Variants in EEFSEC observed in about 807,000 individuals in gnomAD.
The protein encoded by EEFSEC is selenocysteine-specific elongation factor.
In EEFSEC, 43 loss-of-function variants were observed where a neutral mutation model predicts 42.1. That is an observed-to-expected ratio of 1.02 (90% CI 0.80 to 1.32). The LOEUF is 1.32. Among genes scored for constraint, EEFSEC ranks in the 40% most tolerant of loss-of-function variants. The pLI, the probability that EEFSEC is intolerant of heterozygous loss-of-function variation, is 0.00. For synonymous variants in EEFSEC, 354 were observed against 339.1 expected, an observed-to-expected ratio of 1.04 and a Z score of -0.48; for missense variants, 745 against 803.6, an observed-to-expected ratio of 0.93 and a Z score of 0.88.
chr3:128,161,519 C>G (rs1169018144), intron 1 of EEFSEC, among the ~76,000 whole-genome samples: 1 of 152,198 alleles, frequency 6.6e-6, no homozygotes, highest in African/African-American at 2.4e-5. Context: ...CTGACCCTCT[C>G]TGAGCCCTCC....
intron 4 of EEFSEC, among the ~76,000 whole-genome samples, chr3:128,266,503 C>A (rs773823942): frequency 1.1e-4 from 17 of 152,008 alleles, no homozygotes; most frequent in Non-Finnish European, 2.2e-4. Context: ...AGCAGTGTGT[C>A]TATTACTTCC....
chr3:128,163,985 A>G (rs1020672985), intron 1 of EEFSEC, among the ~76,000 whole-genome samples: 8 of 151,422 alleles, frequency 5.3e-5, no homozygotes, highest in Admixed American at 4.6e-4. Flanking sequence ...TACTTGTGGT[A>G]AAGTATAAAT....
At chr3:128,201,257 T>C (rs1233562465) in intron 1 of EEFSEC, among the ~76,000 whole-genome samples, 1 of 152,122 alleles carries the variant, frequency 6.6e-6, no homozygotes, top group African/African-American at 2.4e-5. Flanking sequence ...GGCAACACCA[T>C]GCTCTCTAAT....
At chr3:128,165,465 C>T (rs1169385044) in intron 1 of EEFSEC, among the ~76,000 whole-genome samples, 1 of 152,148 alleles carries the variant, frequency 6.6e-6, no homozygotes, top group Non-Finnish European at 1.5e-5. Context: ...GATTAGGCTC[C>T]TGCTGCTTTG....
chr3:128,354,726 C>G (rs1353837185), intron 5 of EEFSEC, among the ~76,000 whole-genome samples: 2 of 152,196 alleles, frequency 1.3e-5, no homozygotes, highest in African/African-American at 4.8e-5. Context: ...CCTCTGCTGT[C>G]TTTGTGGCAT....
At chr3:128,347,104 T>C (rs1413762118) in intron 5 of EEFSEC, among the ~76,000 whole-genome samples, 2 of 152,220 alleles carry the variant, frequency 1.3e-5, no homozygotes, top group Admixed American at 6.5e-5. Flanking sequence ...TCCTTAGGAA[T>C]TGGGCTTTTT....
intron 2 of EEFSEC, among the ~76,000 whole-genome samples, chr3:128,255,137 G>A (rs1020021350): frequency 1.3e-5 from 2 of 152,280 alleles, no homozygotes; most frequent in East Asian, 1.9e-4. Flanking sequence ...CTGGGGATGC[G>A]GTTTGGGAGC....
At chr3:128,163,954 A>T (rs1040637926) in intron 1 of EEFSEC, among the ~76,000 whole-genome samples, 20 of 151,390 alleles carry the variant, frequency 1.3e-4, no homozygotes, top group African/African-American at 4.9e-4. Context: ...AAAAAAAAAC[A>T]AAACTATTTC....
intron 1 of EEFSEC, among the ~76,000 whole-genome samples, chr3:128,159,290 C>T (rs938358248): frequency 5.9e-5 from 9 of 152,200 alleles, no homozygotes; most frequent in African/African-American, 1.2e-4. Flanking sequence ...CTCCGCCACC[C>T]CTAACCTGGA....
chr3:128,229,333 G>A, intron 1 of EEFSEC, among the ~76,000 whole-genome samples: 1 of 152,186 alleles, frequency 6.6e-6, no homozygotes, highest in East Asian at 1.9e-4. Context: ...TCCCCACGTG[G>A]CCCCACTGGA....
At chr3:128,182,161 A>G (rs2107791574) in intron 1 of EEFSEC, among the ~76,000 whole-genome samples, 1 of 152,306 alleles carries the variant, frequency 6.6e-6, no homozygotes, top group South Asian at 2.1e-4. Flanking sequence ...AAGTTTATAG[A>G]CGACAGCTAA....
chr3:128,155,361 T>C (rs769715279), intron 1 of EEFSEC, among the ~76,000 whole-genome samples: 1 of 152,202 alleles, frequency 6.6e-6, no homozygotes, highest in African/African-American at 2.4e-5. Context: ...TCCCCATGCC[T>C]CGGCCTCCCA....
the EEFSEC span, among the ~76,000 whole-genome samples, chr3:128,421,444 C>A: frequency 6.6e-6 from 1 of 152,090 alleles, no homozygotes; most frequent in Admixed American, 6.5e-5. Context: ...CAAGGGGGGT[C>A]CCAAGAACCG....
At chr3:128,243,379 G>A (rs1318204918) in intron 1 of EEFSEC, among the ~76,000 whole-genome samples, 1 of 152,244 alleles carries the variant, frequency 6.6e-6, no homozygotes, top group South Asian at 2.1e-4. Flanking sequence ...AGAAGCAAGA[G>A]GGCCTGATGC....
intron 1 of EEFSEC, among the ~76,000 whole-genome samples, chr3:128,219,224 G>T (rs1016864018): frequency 6.6e-5 from 10 of 152,220 alleles, no homozygotes; most frequent in African/African-American, 2.4e-4. Context: ...GGCAGCAACT[G>T]CCCTCTGGCC....
chr3:128,253,106 G>A (rs911653190), intron 2 of EEFSEC, among the ~76,000 whole-genome samples: 9 of 152,226 alleles, frequency 5.9e-5, no homozygotes, highest in African/African-American at 2.2e-4. Context: ...GTCTGGGAAA[G>A]GGCCAGACAC....
intron 1 of EEFSEC, among the ~76,000 whole-genome samples, chr3:128,241,490 CGT>C (rs1372849597): frequency 1.3e-5 from 2 of 152,128 alleles, no homozygotes; most frequent in East Asian, 3.9e-4. Flanking sequence ...GGATTACAAA[CGT>C]GTGCCACCAC....
intron 5 of EEFSEC, among the ~76,000 whole-genome samples, chr3:128,356,451 G>C (rs1230483478): frequency 2.0e-5 from 3 of 152,182 alleles, no homozygotes; most frequent in Admixed American, 6.5e-5. Context: ...GGTGGGGACA[G>C]AGGGCTGCAA....
At chr3:128,258,922 T>C (rs2066269218) in intron 2 of EEFSEC, among the ~76,000 whole-genome samples, 1 of 152,172 alleles carries the variant, frequency 6.6e-6, no homozygotes, top group African/African-American at 2.4e-5. Context: ...GATGGAGGAT[T>C]GTTCTCATGA....
Sources: allele counts gnomAD v4.1 joint callset (sites outside exome capture counted in the v4.1 genomes callset), GRCh38; gene constraint gnomAD v4.1.1; transcripts MANE v1.5; gene names NCBI Gene and HGNC (gene_info 2026-07-23, HGNC 2026-07-21).